PXK: variants seen among roughly 807,000 people sequenced by gnomAD.
PXK encodes PX domain containing serine/threonine kinase like.
PXK carries 35 observed loss-of-function variants against 84.7 expected under a neutral mutation model. The ratio of observed to expected loss-of-function variants is 0.41; its 90% CI spans 0.32 to 0.55. The LOEUF is 0.55. PXK is among the 20% of genes least tolerant of loss of function. PXK has a pLI of 0.21. For synonymous variants in PXK, 253 were observed against 260.8 expected, an observed-to-expected ratio of 0.97 and a Z score of 0.29; for missense variants, 634 against 699.7, an observed-to-expected ratio of 0.91 and a Z score of 1.06.
intron 3 of PXK, among the ~76,000 whole-genome samples, chr3:58,371,005 A>T (rs2098362380): frequency 6.6e-6 from 1 of 152,166 alleles, no homozygotes; most frequent in South Asian, 2.1e-4. Context: ...GTCTCAAAAA[A>T]CAAACAAACA....
chr3:58,383,697 A>G lies in PXK; in HGVS notation c.388+997A>G, dbSNP rs1300541092. ...GAATGAGAAACTAAATACTTAATAC[A>G]TTCTGGTGTCACTTTGAAAAGAACA... On this transcript the variant is annotated intron_variant, in intron 4 of 17. Coordinates refer to ENST00000356151, the MANE Select transcript of PXK (RefSeq NM_017771.5). The surrounding 1 kb of genome is among the most constrained non-coding windows in gnomAD (Gnocchi z 4.0). Among the ~76,000 whole-genome samples, 1 of 152,232 alleles carries G rather than the reference A, an allele frequency of 6.6e-6. No individual in the cohort carries two copies. The highest frequency in any genetic ancestry group is 2.4e-5 in the African/African-American group (1 of 41,468).
chr3:58,354,695 A>G (rs1156895573), intron 1 of PXK, among the ~76,000 whole-genome samples: 1 of 150,824 alleles, frequency 6.6e-6, no homozygotes, highest in East Asian at 2.0e-4. Context: ...TGAATCGCCC[A>G]CCTCGGCCTC....
intron 3 of PXK, among the ~76,000 whole-genome samples, chr3:58,373,240 G>T (rs6775517): frequency 0.29 from 44,582 of 151,868 alleles, 7,333 homozygotes; most frequent in Middle Eastern, 0.41. Context: ...CACCATGCCC[G>T]GCTAATTTTT....
At position 58,390,055 on chromosome 3, in the gene PXK, G is replaced by A. The variant is rs1410214961; in HGVS notation, c.389-527G>A. 6.7e-6 allele frequency among the ~76,000 whole-genome samples: 1 copy of A among 148,292 alleles called. No individual in the cohort carries two copies. The highest frequency in any genetic ancestry group is 2.5e-5 in the African/African-American group (1 of 40,166). On this transcript the variant is annotated intron_variant, in intron 4 of 17. Transcript: ENST00000356151. This position sits in a 1 kb window ranked among gnomAD's most constrained non-coding sequence, Gnocchi z 4.2. Reference sequence around the variant, plus strand: ...TAGCCAGGCGTGATGGCCCATGCTTGTAGTCCCAGCTATTCGGGAGGCTGA... The same window carrying A: ...TAGCCAGGCGTGATGGCCCATGCTTATAGTCCCAGCTATTCGGGAGGCTGA...
At chr3:58,378,065 G>A (rs949850293) in intron 3 of PXK, among the ~76,000 whole-genome samples, 3 of 152,112 alleles carry the variant, frequency 2.0e-5, no homozygotes, top group Admixed American at 6.5e-5. Context: ...GCAAAAAACC[G>A]TAAGTTTATT....
chr3:58,341,179 G>C (rs1257436939), intron 1 of PXK, among the ~76,000 whole-genome samples: 2 of 152,112 alleles, frequency 1.3e-5, no homozygotes, highest in African/African-American at 4.8e-5. Flanking sequence ...GAGGAGGAGA[G>C]TTTCTTCAGA....
At chr3:58,422,627 G>A (rs533137082) in intron 17 of PXK, 1 of 985,398 alleles carries the variant, frequency 1.0e-6, no homozygotes, top group Admixed American at 6.1e-5. Context: ...AAACTCTGCG[G>A]TGGTGCATTT....
chr3:58,378,218 T>C (rs536252012), intron 3 of PXK, among the ~76,000 whole-genome samples: 6 of 152,336 alleles, frequency 3.9e-5, no homozygotes, highest in Admixed American at 2.0e-4. Flanking sequence ...TTCAGACTTT[T>C]CAGGCAGGAT....
At chr3:58,423,949 CACG>C (rs2062389007) in intron 17 of PXK, among the ~76,000 whole-genome samples, 2 of 152,316 alleles carry the variant, frequency 1.3e-5, no homozygotes, top group South Asian at 4.1e-4. Context: ...TGCGGTACAG[CACG>C]ACATTCTAGT....
intron 1 of PXK, among the ~76,000 whole-genome samples, chr3:58,360,585 C>T (rs532485503): frequency 1.2e-3 from 177 of 152,218 alleles, no homozygotes; most frequent in African/African-American, 3.9e-3. Flanking sequence ...CCTATAATCC[C>T]ACCTGTAATC....
chr3:58,372,696 G>T lies in PXK; in HGVS notation c.201+3218G>T, dbSNP rs1156267401. Among the ~76,000 whole-genome samples the T allele has an allele frequency of 2.6e-5, 4 of 150,946 alleles. No homozygotes were observed. The Admixed American group carries it at 2.7e-4, about 10-fold the overall frequency. ...AACTGGAATGCAGTGGCGTGATCTT[G>T]GCTCACTGCAATCTCTGCCTCTTGG... On this transcript the variant is annotated intron_variant, in intron 3 of 17. Coordinates refer to ENST00000356151, the MANE Select transcript of PXK (RefSeq NM_017771.5).
intron 1 of PXK, among the ~76,000 whole-genome samples, chr3:58,363,360 T>C (rs2098220172): frequency 1.3e-5 from 2 of 152,240 alleles, no homozygotes; most frequent in Admixed American, 1.3e-4. Flanking sequence ...TGACTGGGTC[T>C]CTCTCTTTTG....
At chr3:58,355,256 A>G (rs1194190806) in intron 1 of PXK, among the ~76,000 whole-genome samples, 2 of 152,218 alleles carry the variant, frequency 1.3e-5, no homozygotes, top group Non-Finnish European at 2.9e-5. Context: ...TGATTCTAGA[A>G]TGCAGCAGGG....
rs1386023074 is a variant in PXK, at chr3:58,409,487, A to G, written c.1309-45A>G. On this transcript the variant is annotated intron_variant, in intron 14 of 17. Transcript: ENST00000356151. The surrounding 1 kb of genome is among the most constrained non-coding windows in gnomAD (Gnocchi z 4.2). ...ATGTTGGAGAAGATTTTCATTAGGA[A>G]GCTGCCTTATGTGGGATATGCTTAC... 2 of 1,524,136 alleles carry G rather than the reference A, an allele frequency of 1.3e-6. No homozygotes were observed. The highest frequency in any genetic ancestry group is 3.7e-5 in the Admixed American group (2 of 53,380). The allele number at this position is 1,524,136 out of a possible 1,614,324, so 94.4% of individuals were successfully genotyped here.
intron 3 of PXK, among the ~76,000 whole-genome samples, chr3:58,375,466 T>C (rs1189510407): frequency 2.0e-5 from 3 of 152,222 alleles, no homozygotes; most frequent in African/African-American, 7.2e-5. Flanking sequence ...CAGACATTTT[T>C]TCTGTGCCTG....
At position 58,420,774 on chromosome 3, in the gene PXK, T is replaced by C. The variant is rs1174218882; in HGVS notation, c.1529-3978T>C. ...ATCTATATTCATTTCATTTTCATCA[T>C]GACCTTCAAAATCTTCATTTTCACT... On this transcript the variant is annotated intron_variant, in intron 17 of 17. Coordinates refer to ENST00000356151, the MANE Select transcript of PXK (RefSeq NM_017771.5). 2.2e-6 allele frequency: 3 copies of C among 1,378,886 alleles called. No homozygotes were observed. The African/African-American group carries it at 4.4e-5, about 20-fold the overall frequency. 85.4% of individuals were successfully genotyped at this position (1,378,886 alleles called of 1,614,324 possible).
intron 3 of PXK, among the ~76,000 whole-genome samples, chr3:58,371,759 C>G (rs1412215722): frequency 3.3e-5 from 5 of 152,148 alleles, no homozygotes; most frequent in African/African-American, 1.2e-4. Context: ...CAATGTGCAT[C>G]TTATTTCAAA....
chr3:58,360,555 G>T (rs1487462734), intron 1 of PXK, among the ~76,000 whole-genome samples: 1 of 152,070 alleles, frequency 6.6e-6, no homozygotes, highest in Non-Finnish European at 1.5e-5. Flanking sequence ...CCAGCTCCAG[G>T]CTGGGCACAG....
intron 2 of PXK, among the ~76,000 whole-genome samples, chr3:58,368,124 A>G (rs1320814810): frequency 6.6e-6 from 1 of 152,118 alleles, no homozygotes; most frequent in Non-Finnish European, 1.5e-5. Context: ...GGTATGAGCC[A>G]TTGTGCCTGG....
Sources: gnomAD v4.1 joint callset for allele counts (sites outside exome capture counted in the v4.1 genomes callset) on GRCh38, gnomAD v4.1.1 for gene constraint, Gnocchi (gnomAD v3.1) non-coding constraint, MANE v1.5 for transcripts, NCBI Gene and HGNC (gene_info 2026-07-23, HGNC 2026-07-21) for gene names.